PPARGC1A: variants seen among roughly 807,000 people sequenced by gnomAD.
PPARGC1A encodes the protein PPARG coactivator 1 alpha.
Under a neutral mutation model 88.7 loss-of-function variants are expected in PPARGC1A, and 25 were observed. The observed-to-expected ratio is 0.28, with a 90% confidence interval of 0.21 to 0.39. The LOEUF (loss-of-function observed/expected upper bound fraction) is 0.39. PPARGC1A is among the 10% of genes least tolerant of loss of function. PPARGC1A has a pLI of 1.00. For missense variants in PPARGC1A, 880 were observed against 968.7 expected (o/e 0.91, Z 1.22); for synonymous variants, 363 against 355.6 (o/e 1.02, Z -0.24).
chr4:24,102,407 CTCA>C, the PPARGC1A span, among the ~76,000 whole-genome samples: 1 of 152,164 alleles, frequency 6.6e-6, no homozygotes. Flanking sequence ...ATAAACTCTC[CTCA>C]TCTAGACTTC....
the PPARGC1A span, among the ~76,000 whole-genome samples, chr4:24,445,066 G>C: frequency 6.6e-6 from 1 of 151,974 alleles, no homozygotes; most frequent in Admixed American, 6.6e-5. Flanking sequence ...AAAAAAGAGA[G>C]AGAGAGAGAG....
At chr4:24,009,982 T>C in the PPARGC1A span, among the ~76,000 whole-genome samples, 1 of 152,104 alleles carries the variant, frequency 6.6e-6, no homozygotes, top group African/African-American at 2.4e-5. Flanking sequence ...GCATGATACC[T>C]CACACATAGA....
chr4:24,131,015 T>G, the PPARGC1A span, among the ~76,000 whole-genome samples: 1 of 152,176 alleles, frequency 6.6e-6, no homozygotes, highest in Admixed American at 6.6e-5. Context: ...TCCTTCCAGA[T>G]AGAACTGACC....
chr4:23,833,488 A>C (rs1437777554), intron 2 of PPARGC1A, among the ~76,000 whole-genome samples: 1 of 152,204 alleles, frequency 6.6e-6, no homozygotes, highest in Non-Finnish European at 1.5e-5. Flanking sequence ...TATAAAATGC[A>C]CCTAGCTGCT....
the PPARGC1A span, among the ~76,000 whole-genome samples, chr4:23,970,618 C>G: frequency 2.6e-5 from 4 of 152,300 alleles, no homozygotes; most frequent in South Asian, 4.1e-4. Context: ...CCTTGGAGAA[C>G]AGTGGATTCC....
rs1225309914 is a variant in PPARGC1A, at chr4:23,795,288, AATTTATATAT to A, written c.*524_*533del. 3 of 75,398 alleles carry A rather than the reference AATTTATATAT, an allele frequency of 4.0e-5. No individual in the cohort carries two copies. Among genetic ancestry groups the A allele is most frequent in the Non-Finnish European group, 7.3e-5 (3 of 41,164 alleles). 4.7% of individuals were successfully genotyped at this position (75,398 alleles called of 1,614,324 possible). On this transcript the variant is annotated 3_prime_UTR_variant, in exon 13 of 13. Transcript: ENST00000264867. ...TGGTTGTTAGTTTTCTTTCCTTTTT[AATTTATATAT>A]ATATATATATATATATATATATATA... is the stretch of plus-strand genomic sequence containing the variant.
chr4:24,185,620 A>G, the PPARGC1A span, among the ~76,000 whole-genome samples: 2 of 152,178 alleles, frequency 1.3e-5, no homozygotes, highest in Non-Finnish European at 2.9e-5. Context: ...TGGGTGATTT[A>G]TTGAATGTTT....
rs111551363 is a variant in PPARGC1A, at chr4:23,864,999, C to T, written c.234+19753G>A. ...AGGAGTTTGAGACCAGCCTGGGCAA[C>T]ATGGTGAGACCCCATCTCCACTAAA... On this transcript the variant is annotated intron_variant, in intron 2 of 12. Coordinates refer to ENST00000264867, the MANE Select transcript of PPARGC1A (RefSeq NM_013261.5). Among the ~76,000 whole-genome samples, 749 of 152,292 alleles carry T rather than the reference C, an allele frequency of 4.9e-3. 7 individuals are homozygous for T. Among genetic ancestry groups the T allele is most frequent in the African/African-American group, 0.017 (706 of 41,564 alleles).
chr4:24,242,960 G>C, the PPARGC1A span, among the ~76,000 whole-genome samples: 3 of 152,078 alleles, frequency 2.0e-5, no homozygotes, highest in Non-Finnish European at 2.9e-5. Flanking sequence ...CACTCAGCTG[G>C]AGTCAAATTT....
At chr4:23,839,240 A>G (rs1196480066) in intron 2 of PPARGC1A, among the ~76,000 whole-genome samples, 1 of 152,202 alleles carries the variant, frequency 6.6e-6, no homozygotes, top group Non-Finnish European at 1.5e-5. Flanking sequence ...AGAGGTTATA[A>G]GAGCCAGAAG....
At chr4:24,066,991 G>T in the PPARGC1A span, among the ~76,000 whole-genome samples, 1 of 151,144 alleles carries the variant, frequency 6.6e-6, no homozygotes. Context: ...ATTGCCTTAT[G>T]AAGACATAGC....
the PPARGC1A span, among the ~76,000 whole-genome samples, chr4:24,454,338 T>G: frequency 2.6e-5 from 4 of 152,066 alleles, no homozygotes; most frequent in South Asian, 8.3e-4. Flanking sequence ...CACAAAGTTT[T>G]GGGGTAGTTT....
chr4:23,793,283 A>G lies in PPARGC1A; in HGVS notation c.*2539T>C, dbSNP rs1716962037. 1 of 152,596 alleles carries G rather than the reference A, an allele frequency of 6.6e-6. No homozygotes were observed. The highest frequency in any genetic ancestry group is 2.4e-5 in the African/African-American group (1 of 41,452). The allele number at this position is 152,596 out of a possible 1,614,324, so 9.5% of individuals were successfully genotyped here. On this transcript the variant is annotated 3_prime_UTR_variant, in exon 13 of 13. Coordinates refer to ENST00000264867, the MANE Select transcript of PPARGC1A (RefSeq NM_013261.5). ...AAAATACCTGCATTTAACCTACAGAACAACAAGAATTAGGCGGATTAAAGA... is the reference window on the plus strand; with the variant it reads ...AAAATACCTGCATTTAACCTACAGAGCAACAAGAATTAGGCGGATTAAAGA...
chr4:23,808,093 T>C (rs1445872535), intron 10 of PPARGC1A, among the ~76,000 whole-genome samples: 1 of 151,726 alleles, frequency 6.6e-6, no homozygotes, highest in Non-Finnish European at 1.5e-5. Context: ...CTACTAAAAA[T>C]ACAAAAAATT....
chr4:23,859,908 C>T (rs76747990), intron 2 of PPARGC1A, among the ~76,000 whole-genome samples: 2 of 151,724 alleles, frequency 1.3e-5, no homozygotes, highest in Non-Finnish European at 2.9e-5. Flanking sequence ...AAGGAATATT[C>T]AAGTAGCACA....
the PPARGC1A span, among the ~76,000 whole-genome samples, chr4:24,136,277 A>T: frequency 1.5e-4 from 23 of 152,210 alleles, no homozygotes; most frequent in Non-Finnish European, 2.6e-4. Flanking sequence ...TTCAAAGGTA[A>T]TAAGTCCATT....
chr4:24,072,969 A>G, the PPARGC1A span, among the ~76,000 whole-genome samples: 3 of 152,154 alleles, frequency 2.0e-5, no homozygotes, highest in Non-Finnish European at 4.4e-5. Flanking sequence ...AGAAAAGAGA[A>G]ACTTGATTCT....
the PPARGC1A span, among the ~76,000 whole-genome samples, chr4:24,332,837 C>T: frequency 4.6e-5 from 7 of 152,328 alleles, no homozygotes; most frequent in East Asian, 7.7e-4. Flanking sequence ...TGCTCAGCCT[C>T]GCTGAGTCTC....
chr4:24,050,882 T>C, the PPARGC1A span, among the ~76,000 whole-genome samples: 1 of 152,094 alleles, frequency 6.6e-6, no homozygotes, highest in Non-Finnish European at 1.5e-5. Context: ...AACCTAACCT[T>C]CCCAAGGCCT....
Sources: gnomAD v4.1 joint callset for allele counts (sites outside exome capture counted in the v4.1 genomes callset) on GRCh38, gnomAD v4.1.1 for gene constraint, MANE v1.5 for transcripts, NCBI Gene and HGNC (gene_info 2026-07-23, HGNC 2026-07-21) for gene names.